ADAM18: variants seen among roughly 807,000 people sequenced by gnomAD.
ADAM18 encodes ADAM metallopeptidase domain 18, also known as disintegrin and metalloproteinase domain-containing protein 18.
A neutral mutation model predicts 94.4 loss-of-function variants in ADAM18; 117 were observed. That is an observed-to-expected ratio of 1.24 (90% CI 1.07 to 1.45). The LOEUF (loss-of-function observed/expected upper bound fraction) is 1.45. Among genes scored for constraint, ADAM18 ranks in the 40% most tolerant of loss-of-function variants. The pLI is 0.00. For missense variants in ADAM18, 936 were observed against 880.0 expected (o/e 1.06, Z -0.81); for synonymous variants, 327 against 291.6 (o/e 1.12, Z -1.24).
At chr8:39,669,626 C>A (rs1191283689) in intron 14 of ADAM18, among the ~76,000 whole-genome samples, 1 of 151,732 alleles carries the variant, frequency 6.6e-6, no homozygotes, top group Admixed American at 6.6e-5. Context: ...CATCCGTGTC[C>A]CTACAAAGGA....
rs77273592 is a variant in ADAM18, at chr8:39,658,808, T to G, written c.1231-4987T>G. Reference sequence around the variant, plus strand: ...AAAATAACACTGCATTAGGGAGGGTTGAAAATGGAATAATGCTTCTGGAGA... The same window carrying G: ...AAAATAACACTGCATTAGGGAGGGTGGAAAATGGAATAATGCTTCTGGAGA... On this transcript the variant is annotated intron_variant, in intron 12 of 19. Coordinates refer to ENST00000265707, the MANE Select transcript of ADAM18 (RefSeq NM_014237.3). 9.3e-3 allele frequency among the ~76,000 whole-genome samples: 1,423 copies of G among 152,274 alleles called. 28 individuals are homozygous for G. Among genetic ancestry groups the G allele is most frequent in the African/African-American group, 0.032 (1,347 of 41,556 alleles).
At chr8:39,704,274 A>G (rs1226847656) in intron 17 of ADAM18, among the ~76,000 whole-genome samples, 2 of 152,142 alleles carry the variant, frequency 1.3e-5, no homozygotes, top group Admixed American at 6.6e-5. Flanking sequence ...TTTTAGGCCT[A>G]TATCTTGCAT....
intron 14 of ADAM18, among the ~76,000 whole-genome samples, chr8:39,670,634 G>A (rs560081569): frequency 1.2e-4 from 18 of 152,236 alleles, no homozygotes; most frequent in Non-Finnish European, 2.6e-4. Context: ...TATGATTATT[G>A]TACTCATGGA....
At chr8:39,652,907 T>C (rs1322752192) in intron 12 of ADAM18, among the ~76,000 whole-genome samples, 3 of 152,148 alleles carry the variant, frequency 2.0e-5, no homozygotes, top group Non-Finnish European at 4.4e-5. Flanking sequence ...GAGGACATGT[T>C]GAGTGAAATA....
chr8:39,620,878 GA>G (rs1401636807), intron 6 of ADAM18, among the ~76,000 whole-genome samples: 1 of 151,720 alleles, frequency 6.6e-6, no homozygotes, highest in Non-Finnish European at 1.5e-5. Flanking sequence ...GAGGAGGTGA[GA>G]GGGGTAGATA....
chr8:39,663,728 T>G, intron 12 of ADAM18, 67 bp from the exon 13 acceptor site: 8 of 995,024 alleles, frequency 8.0e-6, no homozygotes, highest in Non-Finnish European at 1.2e-5. Flanking sequence ...AAATTGAAAT[T>G]GAGATTAAGA....
chr8:39,604,160 G>A (rs915126218), intron 2 of ADAM18, among the ~76,000 whole-genome samples: 1 of 152,140 alleles, frequency 6.6e-6, no homozygotes, highest in African/African-American at 2.4e-5. Context: ...CTCATTTGAT[G>A]TATCATCTTT....
intron 15 of ADAM18, 21 bp from the exon 16 acceptor site, chr8:39,680,016 C>G: frequency 6.2e-7 from 1 of 1,611,876 alleles, no homozygotes; most frequent in Non-Finnish European, 8.5e-7. Flanking sequence ...TGATAAGGAA[C>G]TTTTTGCTTT....
intron 14 of ADAM18, among the ~76,000 whole-genome samples, chr8:39,669,457 C>T (rs1821091149): frequency 9.7e-6 from 1 of 103,422 alleles, no homozygotes; most frequent in Admixed American, 1.1e-4. Context: ...AATGCTATCC[C>T]TCCCCCCTCC....
At chr8:39,664,763 T>C (rs1323651291) in intron 13 of ADAM18, among the ~76,000 whole-genome samples, 1 of 152,120 alleles carries the variant, frequency 6.6e-6, no homozygotes, top group African/African-American at 2.4e-5. Flanking sequence ...ATTACATAAT[T>C]ATATATTGTA....
chr8:39,596,939 A>G (rs987645821), intron 2 of ADAM18, among the ~76,000 whole-genome samples: 2 of 152,164 alleles, frequency 1.3e-5, no homozygotes, highest in African/African-American at 4.8e-5. Context: ...ATTTTTTTAG[A>G]GCAGTATTAG....
chr8:39,684,094 T>C (rs935866390), intron 16 of ADAM18, among the ~76,000 whole-genome samples: 1 of 152,118 alleles, frequency 6.6e-6, no homozygotes, highest in African/African-American at 2.4e-5. Flanking sequence ...TTCACACCAC[T>C]ACACTCCAGT....
At chr8:39,678,360 G>A (rs1383591182) in intron 15 of ADAM18, among the ~76,000 whole-genome samples, 1 of 152,176 alleles carries the variant, frequency 6.6e-6, no homozygotes, top group East Asian at 1.9e-4. Flanking sequence ...TGGGACTAAA[G>A]TAGTATCCTC....
At position 39,633,056 on chromosome 8, in the gene ADAM18, C is replaced by T. The variant is rs550876006; in HGVS notation, c.588+3617C>T. Among the ~76,000 whole-genome samples the T allele has an allele frequency of 3.1e-3, 476 of 152,222 alleles. 1 individual carries two copies. Among genetic ancestry groups the T allele is most frequent in the Non-Finnish European group, 6.0e-3 (406 of 68,002 alleles). ...CTTCATGCAGCATTCTGTAGCTTGC[C>T]TTTCTGCTTTCCTCTCCACGAGGAC... On this transcript the variant is annotated intron_variant, in intron 7 of 19. Transcript: ENST00000265707.
At chr8:39,689,404 C>A (rs1363461610) in intron 16 of ADAM18, among the ~76,000 whole-genome samples, 1 of 152,172 alleles carries the variant, frequency 6.6e-6, no homozygotes, top group Non-Finnish European at 1.5e-5. Context: ...TTTCAATATT[C>A]TCTATATGGC....
intron 18 of ADAM18, among the ~76,000 whole-genome samples, chr8:39,718,493 G>A (rs1413407483): frequency 6.6e-6 from 1 of 151,534 alleles, no homozygotes; most frequent in African/African-American, 2.4e-5. Context: ...CGTATGTGAA[G>A]TACCTAATAT....
rs563710666 is a variant in ADAM18 at position 39,656,735 on chromosome 8, G to A, written c.1231-7060G>A. ...CATATAAATCAATAAGAAAATGACA[G>A]ACTTTCAGAGAAAAGAATTGACCTA... On this transcript the variant is annotated intron_variant, in intron 12 of 19. Transcript: ENST00000265707. Among the ~76,000 whole-genome samples the A allele has an allele frequency of 5.7e-4, 87 of 152,226 alleles. 1 individual carries two copies. Among genetic ancestry groups the A allele is most frequent in the Middle Eastern group, 3.4e-3 (1 of 294 alleles).
At chr8:39,656,362 A>G (rs1820682958) in intron 12 of ADAM18, among the ~76,000 whole-genome samples, 1 of 152,136 alleles carries the variant, frequency 6.6e-6, no homozygotes, top group Non-Finnish European at 1.5e-5. Context: ...TTTGTGACAA[A>G]AAGGACAGAG....
chr8:39,594,446 T>A (rs1175482452), intron 2 of ADAM18, among the ~76,000 whole-genome samples: 4 of 152,178 alleles, frequency 2.6e-5, no homozygotes, highest in African/African-American at 7.2e-5. Flanking sequence ...CCTTCCTCTT[T>A]TATTTTTCCT....
Sources: gnomAD v4.1 joint callset for allele counts (sites outside exome capture counted in the v4.1 genomes callset) on GRCh38, gnomAD v4.1.1 for gene constraint, MANE v1.5 for transcripts, NCBI Gene and HGNC (gene_info 2026-07-23, HGNC 2026-07-21) for gene names.